DNAH6: variants seen among roughly 807,000 people sequenced by gnomAD.
DNAH6 encodes dynein axonemal heavy chain 6, also known as axonemal beta dynein heavy chain 6.
In DNAH6, 340 loss-of-function variants were observed where a neutral mutation model predicts 491.4. The observed-to-expected ratio is 0.69, with a 90% confidence interval of 0.63 to 0.76. The LOEUF (loss-of-function observed/expected upper bound fraction) is 0.76. DNAH6 is among the 30% of genes least tolerant of loss of function. The pLI, the probability that DNAH6 is intolerant of heterozygous loss-of-function variation, is 0.00. For missense variants in DNAH6, 4,443 were observed against 4,972.2 expected, an observed-to-expected ratio of 0.89 and a Z score of 3.20; for synonymous variants, 1,603 against 1,686.1, an observed-to-expected ratio of 0.95 and a Z score of 1.21.
At chr2:84,540,158 A>G (rs2104503768) in intron 4 of DNAH6, among the ~76,000 whole-genome samples, 1 of 152,320 alleles carries the variant, frequency 6.6e-6, no homozygotes, top group East Asian at 1.9e-4. Flanking sequence ...GATATCAGAA[A>G]TTTGAAAGAA....
chr2:84,514,861 C>CACACACA (rs1553405923), upstream of DNAH6, among the ~76,000 whole-genome samples: 1 of 43,570 alleles, frequency 2.3e-5, no homozygotes, highest in African/African-American at 1.1e-4. Flanking sequence ...CCCCACTTCA[C>CACACACA]CACAGTCACA....
At chr2:84,797,484 G>C in intron 69 of DNAH6, 53 bp from the exon 70 acceptor site, 1 of 1,524,078 alleles carries the variant, frequency 6.6e-7, no homozygotes, top group Non-Finnish European at 8.8e-7. Context: ...AAACTTGGCA[G>C]TACAAAGCCA....
intron 33 of DNAH6, 48 bp downstream of exon 33, chr2:84,642,102 C>A: frequency 8.4e-7 from 1 of 1,184,948 alleles, no homozygotes; most frequent in Non-Finnish European, 1.2e-6. Flanking sequence ...CACGTAGAGG[C>A]AAATGGTAGT....
At chr2:84,575,674 GGAGATT>G (rs1393105688) in intron 12 of DNAH6, among the ~76,000 whole-genome samples, 5 of 152,146 alleles carry the variant, frequency 3.3e-5, no homozygotes, top group African/African-American at 1.2e-4. Context: ...CACGAGGTCA[GGAGATT>G]GAGACCATCC....
the DNAH6 span, chr2:84,459,927 A>G: frequency 3.9e-5 from 6 of 152,466 alleles, no homozygotes; most frequent in African/African-American, 1.4e-4. Context: ...TTAAATAATC[A>G]TGCAGTCTTT....
the DNAH6 span, among the ~76,000 whole-genome samples, chr2:84,499,120 CA>C: frequency 6.6e-6 from 1 of 152,156 alleles, no homozygotes; most frequent in African/African-American, 2.4e-5. Context: ...GTTGTGCTAT[CA>C]AATAGTGGGT....
At chr2:84,804,163 G>A (rs753132716) in intron 70 of DNAH6, among the ~76,000 whole-genome samples, 22 of 141,258 alleles carry the variant, frequency 1.6e-4, no homozygotes, top group Non-Finnish European at 2.9e-4. Context: ...TCAAGATCAC[G>A]CCACTGCACT....
chr2:84,749,665 G>A (rs1391503279), intron 63 of DNAH6, among the ~76,000 whole-genome samples: 1 of 152,214 alleles, frequency 6.6e-6, no homozygotes, highest in Non-Finnish European at 1.5e-5. Flanking sequence ...CAATGGAACA[G>A]ACATGTAATA....
chr2:84,741,199 C>T (rs1436497841), intron 62 of DNAH6, among the ~76,000 whole-genome samples: 1 of 152,124 alleles, frequency 6.6e-6, no homozygotes, highest in African/African-American at 2.4e-5. Context: ...GGCTGGGTGG[C>T]AGCAGCAGTC....
At chr2:84,487,500 G>A in the DNAH6 span, among the ~76,000 whole-genome samples, 1 of 152,182 alleles carries the variant, frequency 6.6e-6, no homozygotes, top group African/African-American at 2.4e-5. Flanking sequence ...GGCTCCTGTT[G>A]TATCCCTGGC....
intron 15 of DNAH6, 109 bp downstream of exon 15, chr2:84,584,359 A>C (rs1683331345): frequency 8.6e-7 from 1 of 1,157,228 alleles, no homozygotes; most frequent in Admixed American, 2.5e-5. Flanking sequence ...TACAATATAT[A>C]ATGTGATGTT....
At chr2:84,524,319 C>G (rs960383077) in intron 2 of DNAH6, among the ~76,000 whole-genome samples, 10 of 151,688 alleles carry the variant, frequency 6.6e-5, no homozygotes, top group African/African-American at 1.9e-4. Context: ...TCCTCCATCC[C>G]TTTTCTTGAG....
Position 84,653,829 on chromosome 2 carries a change from C to G in DNAH6, c.5589C>G (p.Asn1863Lys), listed in dbSNP as rs1220824084. Residue 1863 changes from asparagine to lysine, a missense_variant, in exon 34 of 77, where the codon AAC becomes AAG. Transcript: ENST00000389394. The stretch of plus-strand genomic sequence containing the variant: ...ATAACAAGATGCTTTGCCTGGCTAA[C>G]AGTGAGAGGATTAAACTCACACCTC... ...LDDNKMLCLA[N>K]SERIKLTPQI... 6.4e-7 allele frequency: 1 copy of G among 1,551,154 alleles called. No homozygotes were observed. Among genetic ancestry groups the G allele is most frequent in the Non-Finnish European group, 8.7e-7 (1 of 1,146,584 alleles).
At chr2:84,651,425 C>T (rs184074319) in intron 33 of DNAH6, among the ~76,000 whole-genome samples, 4 of 152,256 alleles carry the variant, frequency 2.6e-5, no homozygotes, top group Non-Finnish European at 5.9e-5. Flanking sequence ...GTCTGGGCTC[C>T]GCACTCAGTG....
At chr2:84,616,183 A>G (rs1191936915) in intron 22 of DNAH6, among the ~76,000 whole-genome samples, 2 of 152,098 alleles carry the variant, frequency 1.3e-5, no homozygotes, top group Admixed American at 6.6e-5. Context: ...AATGTTCTGT[A>G]AATATCTGTT....
In DNAH6 at chr2:84,719,587, C is replaced by T. The variant is rs555148948; in HGVS notation, c.9792+1203C>T. Among the ~76,000 whole-genome samples, 8 of 151,944 alleles carry T rather than the reference C, an allele frequency of 5.3e-5. 1 individual carries two copies. The East Asian group carries it at 1.2e-3, about 22-fold the overall frequency. On this transcript the variant is annotated intron_variant, in intron 59 of 76. Coordinates refer to ENST00000389394, the MANE Select transcript of DNAH6 (RefSeq NM_001370.2). ...GTGCAGTGGCATGATCATGACTCAC[C>T]GCAGACTTCATCTTCTGGTCTCAAC...
At chr2:84,811,734 G>A (rs1679996137) in intron 72 of DNAH6, among the ~76,000 whole-genome samples, 1 of 152,024 alleles carries the variant, frequency 6.6e-6, no homozygotes. Flanking sequence ...GGTGGCACAT[G>A]CCTGTAATCC....
chr2:84,569,791 A>G (rs1386132530), intron 11 of DNAH6, among the ~76,000 whole-genome samples: 1 of 152,218 alleles, frequency 6.6e-6, no homozygotes, highest in Non-Finnish European at 1.5e-5. Context: ...ATTGTGAATG[A>G]TGAGATGAGG....
At chr2:84,533,313 A>G (rs6547565) in intron 4 of DNAH6, among the ~76,000 whole-genome samples, 142,127 of 152,154 alleles carry the variant, frequency 0.93, 66,406 homozygotes, top group East Asian at 1. Flanking sequence ...ATTTTATTTC[A>G]ATCATGAAAT....
Sources: allele counts gnomAD v4.1 joint callset (sites outside exome capture counted in the v4.1 genomes callset), GRCh38; gene constraint gnomAD v4.1.1; transcripts MANE v1.5; gene names NCBI Gene and HGNC (gene_info 2026-07-23, HGNC 2026-07-21).